Variants in GRID2 observed in about 807,000 individuals in gnomAD.
The protein encoded by GRID2 is glutamate ionotropic receptor delta type subunit 2, also known as glutamate receptor ionotropic, delta-2.
Under a neutral mutation model 114.8 loss-of-function variants are expected in GRID2, and 33 were observed. The observed-to-expected ratio is 0.29, with a 90% CI of 0.22 to 0.38. GRID2 has a LOEUF of 0.38. Ranked by LOEUF, GRID2 falls within the 10% of genes least tolerant of loss-of-function variation. The pLI is 1.00. For synonymous variants in GRID2, 505 were observed against 449.9 expected, an observed-to-expected ratio of 1.12 and a Z score of -1.55; for missense variants, 1,184 against 1,257.7, an observed-to-expected ratio of 0.94 and a Z score of 0.89.
chr4:93,753,762 T>A (rs1403516736), intron 14 of GRID2, among the ~76,000 whole-genome samples: 7 of 152,222 alleles, frequency 4.6e-5, no homozygotes, highest in Admixed American at 4.6e-4. Flanking sequence ...TTTGGGTTGG[T>A]TCCAAGTCTT....
intron 2 of GRID2, among the ~76,000 whole-genome samples, chr4:92,957,922 G>A (rs932210958): frequency 2.0e-5 from 3 of 151,946 alleles, no homozygotes; most frequent in African/African-American, 7.2e-5. Context: ...AATGTAAATA[G>A]TGTGTGTTCT....
intron 2 of GRID2, among the ~76,000 whole-genome samples, chr4:92,785,849 T>G (rs1252964935): frequency 1.3e-5 from 2 of 151,888 alleles, no homozygotes; most frequent in Non-Finnish European, 2.9e-5. Flanking sequence ...AAAAAACTTT[T>G]TTTAAAACTA....
At chr4:93,671,107 T>C (rs927940467) in intron 14 of GRID2, among the ~76,000 whole-genome samples, 1 of 152,132 alleles carries the variant, frequency 6.6e-6, no homozygotes, top group Non-Finnish European at 1.5e-5. Context: ...TGTCCTATTT[T>C]AATAGAGAAG....
At chr4:92,943,576 A>G in intron 2 of GRID2, among the ~76,000 whole-genome samples, 1 of 151,694 alleles carries the variant, frequency 6.6e-6, no homozygotes, top group East Asian at 1.9e-4. Flanking sequence ...TCTTCTCTCA[A>G]CTCGTCAAAG....
intron 8 of GRID2, among the ~76,000 whole-genome samples, chr4:93,340,295 G>T (rs1407582763): frequency 1.4e-5 from 2 of 142,480 alleles, no homozygotes; most frequent in Admixed American, 1.4e-4. Flanking sequence ...TCCTAAATTG[G>T]CCCACTATGC....
intron 14 of GRID2, among the ~76,000 whole-genome samples, chr4:93,754,513 A>G (rs562253588): frequency 8.5e-5 from 13 of 152,296 alleles, no homozygotes; most frequent in African/African-American, 3.1e-4. Context: ...TTAAATCAGT[A>G]TACTTTTATC....
chr4:93,680,472 C>T (rs1725404210), intron 14 of GRID2, among the ~76,000 whole-genome samples: 1 of 150,960 alleles, frequency 6.6e-6, no homozygotes, highest in Admixed American at 6.6e-5. Context: ...AGAGACACAA[C>T]CAAAAAAGAG....
At chr4:93,010,662 C>A (rs1434607773) in intron 2 of GRID2, among the ~76,000 whole-genome samples, 1 of 152,110 alleles carries the variant, frequency 6.6e-6, no homozygotes, top group East Asian at 1.9e-4. Flanking sequence ...ACCTAATTTT[C>A]TTTTTTCCTT....
intron 4 of GRID2, among the ~76,000 whole-genome samples, chr4:93,144,244 T>C (rs1208223630): frequency 1.3e-5 from 2 of 152,184 alleles, no homozygotes; most frequent in East Asian, 3.9e-4. Flanking sequence ...AAGATGACAG[T>C]AGCAGCCAAC....
intron 2 of GRID2, among the ~76,000 whole-genome samples, chr4:92,808,817 A>G (rs1740536596): frequency 6.6e-6 from 1 of 151,564 alleles, no homozygotes; most frequent in Non-Finnish European, 1.5e-5. Flanking sequence ...TTTTATTCCC[A>G]TGTTGGCTAA....
At chr4:92,947,710 G>A (rs995068383) in intron 2 of GRID2, among the ~76,000 whole-genome samples, 5 of 151,636 alleles carry the variant, frequency 3.3e-5, no homozygotes, top group Admixed American at 3.3e-4. Flanking sequence ...GTGTGTGTGC[G>A]TGTATATGTG....
In GRID2 at chr4:92,943,424, C is replaced by T. The variant is rs553120893; in HGVS notation, c.245-141571C>T. On this transcript the variant is annotated intron_variant, in intron 2 of 15. Transcript: ENST00000282020. ...ATAGTTCTCATGCCATGGTTTTCAG[C>T]TCCATCAGGTCGTTTAAAGACTTCT... is the stretch of plus-strand genomic sequence containing the variant. Among the ~76,000 whole-genome samples, 9 of 152,278 alleles carry T rather than the reference C, an allele frequency of 5.9e-5. No individual in the cohort carries two copies. In the South Asian group the frequency reaches 1.9e-3, roughly 32 times the overall value.
chr4:93,675,429 A>T (rs1052059405), intron 14 of GRID2, among the ~76,000 whole-genome samples: 1 of 152,226 alleles, frequency 6.6e-6, no homozygotes, highest in Non-Finnish European at 1.5e-5. Flanking sequence ...AAGAAAAGGT[A>T]TCTGGTTCTT....
chr4:92,730,691 C>T (rs1277955881), intron 2 of GRID2, among the ~76,000 whole-genome samples: 1 of 151,864 alleles, frequency 6.6e-6, no homozygotes, highest in Non-Finnish European at 1.5e-5. Flanking sequence ...GCATCTTTCA[C>T]CAGAACAGAA....
chr4:92,620,074 A>T (rs1382328300), intron 2 of GRID2, among the ~76,000 whole-genome samples: 1 of 151,768 alleles, frequency 6.6e-6, no homozygotes, highest in Admixed American at 6.6e-5. Context: ...GATAACAGCC[A>T]ATAGTGTGGT....
At chr4:92,949,560 C>T (rs1168498501) in intron 2 of GRID2, among the ~76,000 whole-genome samples, 1 of 151,108 alleles carries the variant, frequency 6.6e-6, no homozygotes, top group African/African-American at 2.4e-5. Context: ...AATGTGCCTC[C>T]ACTGTGATAA....
chr4:92,803,857 G>A (rs1161976435), intron 2 of GRID2, among the ~76,000 whole-genome samples: 1 of 151,996 alleles, frequency 6.6e-6, no homozygotes, highest in Admixed American at 6.6e-5. Flanking sequence ...TTCTCTCTCA[G>A]TTCTGGAGGC....
intron 1 of GRID2, among the ~76,000 whole-genome samples, chr4:92,528,926 A>T (rs1725176675): frequency 1.3e-5 from 2 of 152,042 alleles, no homozygotes; most frequent in Admixed American, 6.6e-5. Context: ...TGGGACTGGT[A>T]AAAAGTCTTT....
At chr4:93,242,385 T>A (rs1747634545) in intron 8 of GRID2, among the ~76,000 whole-genome samples, 1 of 152,016 alleles carries the variant, frequency 6.6e-6, no homozygotes, top group Non-Finnish European at 1.5e-5. Context: ...CAGTTGTGGA[T>A]GTTTGTCCAG....
Sources: allele counts gnomAD v4.1 joint callset (sites outside exome capture counted in the v4.1 genomes callset), GRCh38; gene constraint gnomAD v4.1.1; transcripts MANE v1.5; gene names NCBI Gene and HGNC (gene_info 2026-07-23, HGNC 2026-07-21).